Variants in BMPR1B observed in about 807,000 individuals in gnomAD.
BMPR1B encodes bone morphogenetic protein receptor type-1B.
A neutral mutation model predicts 59.1 loss-of-function variants in BMPR1B; 12 were observed. That is an observed-to-expected ratio of 0.20 (90% CI 0.13 to 0.33). BMPR1B has a LOEUF of 0.33. Ranked by LOEUF, BMPR1B falls within the 10% of genes least tolerant of loss-of-function variation. The pLI, the probability that BMPR1B is intolerant of heterozygous loss-of-function variation, is 1.00. For synonymous variants in BMPR1B, 237 were observed against 207.3 expected (o/e 1.14, Z -1.23); for missense variants, 550 against 610.9 (o/e 0.90, Z 1.05).
chr4:94,999,891 G>T (rs11097454), intron 3 of BMPR1B, among the ~76,000 whole-genome samples: 145,527 of 152,240 alleles, frequency 0.96, 69,587 homozygotes, highest in Middle Eastern at 0.99. Context: ...AGAAGAAGAA[G>T]TTGCTCCTCA....
chr4:95,067,849 G>A (rs1168804873), intron 3 of BMPR1B, among the ~76,000 whole-genome samples: 2 of 152,106 alleles, frequency 1.3e-5, no homozygotes, highest in African/African-American at 2.4e-5. Flanking sequence ...AGGTCGCGGG[G>A]GCAAACAAAT....
At chr4:94,962,984 T>G (rs948179620) in intron 2 of BMPR1B, among the ~76,000 whole-genome samples, 7 of 152,196 alleles carry the variant, frequency 4.6e-5, no homozygotes, top group Non-Finnish European at 7.3e-5. Context: ...CCAGCATCCA[T>G]TATTACCTGT....
At chr4:95,046,782 T>C (rs1274537542) in intron 3 of BMPR1B, among the ~76,000 whole-genome samples, 1 of 152,214 alleles carries the variant, frequency 6.6e-6, no homozygotes, top group Non-Finnish European at 1.5e-5. Context: ...ACTCCTTTGG[T>C]ATATAAATTA....
chr4:94,982,940 G>A (rs567823881), intron 2 of BMPR1B, among the ~76,000 whole-genome samples: 1 of 151,444 alleles, frequency 6.6e-6, no homozygotes, highest in South Asian at 2.1e-4. Flanking sequence ...AGAGGAGATC[G>A]TGCCACTGCA....
At chr4:95,021,070 C>T (rs1209265030) in intron 3 of BMPR1B, among the ~76,000 whole-genome samples, 3 of 152,040 alleles carry the variant, frequency 2.0e-5, no homozygotes, top group East Asian at 1.9e-4. Context: ...GAAGAAAATA[C>T]GCTGAAAGAA....
At chr4:95,105,943 T>G (rs1471464974) in intron 4 of BMPR1B, among the ~76,000 whole-genome samples, 3 of 152,044 alleles carry the variant, frequency 2.0e-5, no homozygotes, top group Non-Finnish European at 4.4e-5. Flanking sequence ...AGAATACGCC[T>G]GTGTGTGTCA....
chr4:94,912,883 G>C (rs1859156), intron 2 of BMPR1B, among the ~76,000 whole-genome samples: 2 of 151,814 alleles, frequency 1.3e-5, no homozygotes, highest in Admixed American at 6.6e-5. Context: ...GTTGGAGGCA[G>C]AATTAAATGT....
chr4:94,885,641 A>G (rs1727143608), intron 2 of BMPR1B, among the ~76,000 whole-genome samples: 1 of 152,174 alleles, frequency 6.6e-6, no homozygotes, highest in Non-Finnish European at 1.5e-5. Context: ...TTATATAGAA[A>G]AAGGACATGA....
intron 1 of BMPR1B, among the ~76,000 whole-genome samples, chr4:94,765,179 TAAG>T (rs1721922187): frequency 6.6e-6 from 1 of 152,166 alleles, no homozygotes; most frequent in Non-Finnish European, 1.5e-5. Context: ...ATATAAACCT[TAAG>T]AAAATAAAGT....
At chr4:95,007,871 T>A (rs936527408) in intron 3 of BMPR1B, among the ~76,000 whole-genome samples, 11 of 152,156 alleles carry the variant, frequency 7.2e-5, no homozygotes, top group African/African-American at 2.7e-4. Context: ...ATAGAAATAA[T>A]CAGTGGTAGG....
At chr4:95,093,235 A>G (rs1379175913) in intron 3 of BMPR1B, among the ~76,000 whole-genome samples, 5 of 152,088 alleles carry the variant, frequency 3.3e-5, no homozygotes, top group Non-Finnish European at 7.4e-5. Flanking sequence ...AAAAATACTT[A>G]TAAACAAGTT....
intron 2 of BMPR1B, among the ~76,000 whole-genome samples, chr4:94,985,328 G>C (rs1477685318): frequency 6.6e-6 from 1 of 152,114 alleles, no homozygotes; most frequent in Non-Finnish European, 1.5e-5. Flanking sequence ...CTGAATTTCA[G>C]TAGGAACAGA....
At chr4:95,049,823 A>G (rs1274266696) in intron 3 of BMPR1B, among the ~76,000 whole-genome samples, 1 of 151,734 alleles carries the variant, frequency 6.6e-6, no homozygotes, top group Non-Finnish European at 1.5e-5. Context: ...ATTATTTCTT[A>G]TATACTTATT....
intron 10 of BMPR1B, among the ~76,000 whole-genome samples, chr4:95,141,504 T>C (rs954404560): frequency 1.3e-5 from 2 of 152,286 alleles, no homozygotes; most frequent in Non-Finnish European, 2.9e-5. Context: ...CCTGCTCATA[T>C]AAATTTTAAA....
intron 2 of BMPR1B, among the ~76,000 whole-genome samples, chr4:94,903,213 A>G (rs541974546): frequency 3.3e-5 from 5 of 152,032 alleles, no homozygotes; most frequent in Non-Finnish European, 7.4e-5. Context: ...TTTTCTGAAC[A>G]AGTTTGTCAG....
chr4:95,041,648 C>G (rs1033895163), intron 3 of BMPR1B, among the ~76,000 whole-genome samples: 2 of 147,984 alleles, frequency 1.4e-5, no homozygotes, highest in African/African-American at 2.5e-5. Flanking sequence ...TCTTCTAGAA[C>G]AAAAATATCT....
At chr4:94,837,330 A>G (rs916102460) in intron 1 of BMPR1B, among the ~76,000 whole-genome samples, 1 of 147,816 alleles carries the variant, frequency 6.8e-6, no homozygotes, top group African/African-American at 2.5e-5. Flanking sequence ...GATGGCACTG[A>G]ATCTGTAAAT....
intron 2 of BMPR1B, among the ~76,000 whole-genome samples, chr4:94,912,321 C>CT (rs1018363672): frequency 6.6e-6 from 1 of 151,994 alleles, no homozygotes; most frequent in African/African-American, 2.4e-5. Context: ...AAAGTGGAAG[C>CT]TTTTTACTGA....
intron 6 of BMPR1B, 36 bp downstream of exon 6, chr4:95,115,823 A>G: frequency 1.3e-6 from 2 of 1,539,034 alleles, no homozygotes; most frequent in Non-Finnish European, 1.8e-6. Flanking sequence ...GAAAATCACT[A>G]GGTATCATGA....
Sources: gnomAD v4.1 joint callset for allele counts (sites outside exome capture counted in the v4.1 genomes callset) on GRCh38, gnomAD v4.1.1 for gene constraint, MANE v1.5 for transcripts, NCBI Gene and HGNC (gene_info 2026-07-23, HGNC 2026-07-21) for gene names.